The following DMD variants were observed in gnomAD, a reference collection of about 807,000 sequenced individuals.
The protein encoded by DMD is dystrophin, also known as mutant dystrophin.
A neutral mutation model predicts 330.1 loss-of-function variants in DMD; 63 were observed. The observed-to-expected ratio is 0.19, with a 90% CI of 0.16 to 0.24. The LOEUF (loss-of-function observed/expected upper bound fraction) is 0.24, where lower values mean the gene tolerates loss of function less well. DMD is among the 10% of genes least tolerant of loss of function. DMD has a pLI of 1.00. For synonymous variants in DMD, 1,223 were observed against 959.8 expected (o/e 1.27, Z -5.07); for missense variants, 3,344 against 2,684.1 (o/e 1.25, Z -5.43).
intron 16 of DMD, among the ~76,000 whole-genome samples, chrX:32,562,551 T>C (rs745566322): frequency 7.1e-5 from 8 of 112,873 alleles, no homozygotes; most frequent in Non-Finnish European, 1.1e-4. Context: ...TTCTTTATAC[T>C]AATTATTTAA....
At chrX:31,749,605 C>T (rs1435595012) in intron 51 of DMD, among the ~76,000 whole-genome samples, 1 of 110,437 alleles carries the variant, frequency 9.1e-6, no homozygotes, top group African/African-American at 3.3e-5. Context: ...AATAAACATA[C>T]ATGTGCATGT....
At chrX:32,195,731 C>G (rs1408360277) in intron 44 of DMD, among the ~76,000 whole-genome samples, 1 of 111,736 alleles carries the variant, frequency 8.9e-6, no homozygotes, top group Non-Finnish European at 1.9e-5. Context: ...GCAGAAACAG[C>G]TGAAAAGAAG....
intron 2 of DMD, among the ~76,000 whole-genome samples, chrX:32,889,736 C>A (rs906862596): frequency 2.7e-5 from 3 of 110,934 alleles, no homozygotes; most frequent in Non-Finnish European, 5.7e-5. Context: ...CTAACTCCAC[C>A]GCCTATCCCA....
intron 2 of DMD, among the ~76,000 whole-genome samples, chrX:32,890,779 G>C (rs920857539): frequency 1.3e-4 from 14 of 111,735 alleles, no homozygotes; most frequent in Non-Finnish European, 2.4e-4. Context: ...AATGGGACTA[G>C]CATAACTGAG....
At chrX:32,626,418 G>A (rs1186242477) in intron 11 of DMD, among the ~76,000 whole-genome samples, 1 of 101,054 alleles carries the variant, frequency 9.9e-6, no homozygotes, top group East Asian at 2.8e-4. Context: ...GCAGTGAGCT[G>A]AGATCACACC....
At chrX:32,206,553 A>C (rs2097070141) in intron 44 of DMD, 1 of 641,100 alleles carries the variant, frequency 1.6e-6, no homozygotes, top group Admixed American at 2.3e-5. Context: ...AACAAGGAAA[A>C]ACTCCTAAAA....
chrX:32,396,395 G>T (rs1326420774), intron 30 of DMD, among the ~76,000 whole-genome samples: 1 of 111,171 alleles, frequency 9.0e-6, no homozygotes, highest in Non-Finnish European at 1.9e-5. Flanking sequence ...CATTTCTAGT[G>T]AAATTCGCAT....
rs1339673462 is a variant in DMD at position 31,542,516 on chromosome X, G to A, written c.8218-35063C>T. ...CTACTGTCAACCTTATAAAGTTATCGTAAGAAATGCATGAGTTAATATACT... is the reference window on the plus strand; with the variant it reads ...CTACTGTCAACCTTATAAAGTTATCATAAGAAATGCATGAGTTAATATACT... On this transcript the variant is annotated intron_variant, in intron 55 of 78. Coordinates refer to ENST00000357033, the MANE Select transcript of DMD (RefSeq NM_004006.3). Among the ~76,000 whole-genome samples, 6 of 111,941 alleles carry A rather than the reference G, an allele frequency of 5.4e-5. No homozygotes were observed. The East Asian group carries it at 1.4e-3, about 26-fold the overall frequency.
intron 17 of DMD, among the ~76,000 whole-genome samples, chrX:32,541,811 G>A (rs1454204126): frequency 5.5e-5 from 3 of 54,097 alleles, no homozygotes; most frequent in African/African-American, 2.8e-4. Flanking sequence ...ACTAAAAGTT[G>A]GGAAAAAAAA....
intron 7 of DMD, among the ~76,000 whole-genome samples, chrX:32,704,002 G>C (rs750860392): frequency 5.4e-5 from 6 of 111,530 alleles, no homozygotes; most frequent in African/African-American, 2.0e-4. Flanking sequence ...CTTTGAAGCC[G>C]TCTCAGAATG....
intron 11 of DMD, among the ~76,000 whole-genome samples, chrX:32,632,728 G>C (rs778820459): frequency 4.5e-4 from 47 of 105,439 alleles, no homozygotes; most frequent in African/African-American, 1.6e-3. Flanking sequence ...CAGGACGCTG[G>C]GTGCGGGGGG....
At chrX:32,391,981 G>A (rs1362799257) in intron 30 of DMD, among the ~76,000 whole-genome samples, 1 of 112,012 alleles carries the variant, frequency 8.9e-6, no homozygotes, top group Non-Finnish European at 1.9e-5. Context: ...TGTTATGGGT[G>A]ATCAGAATAC....
At chrX:31,924,345 C>T (rs16989968) in intron 47 of DMD, among the ~76,000 whole-genome samples, 39,587 of 110,839 alleles carry the variant, frequency 0.36, 5,414 homozygotes, top group African/African-American at 0.5. Context: ...TTTATACTGA[C>T]GACTAATAAT....
chrX:32,226,215 A>G lies in DMD; in HGVS notation c.6291-9152T>C, dbSNP rs2097147335. ...AACCTCACTTCCTACTTTGGTCCCT[A>G]TACAAACATTCACATAGCCCACCAT... On this transcript the variant is annotated intron_variant, in intron 43 of 78. Coordinates refer to ENST00000357033, the MANE Select transcript of DMD (RefSeq NM_004006.3). Among the ~76,000 whole-genome samples the G allele has an allele frequency of 2.7e-5, 3 of 111,897 alleles. No homozygotes were observed. In the South Asian group the frequency reaches 1.1e-3, roughly 42 times the overall value.
intron 15 of DMD, among the ~76,000 whole-genome samples, chrX:32,571,648 A>C (rs1015011258): frequency 1.8e-5 from 2 of 112,193 alleles, no homozygotes; most frequent in Admixed American, 9.5e-5. Flanking sequence ...GATTAATGGA[A>C]AGGATTTTTA....
chrX:31,471,801 C>T (rs892847663), intron 59 of DMD, among the ~76,000 whole-genome samples: 9 of 112,009 alleles, frequency 8.0e-5, no homozygotes, highest in African/African-American at 2.9e-4. Flanking sequence ...TCTCTTATCA[C>T]CAGTACATAA....
chrX:32,600,079 A>G (rs2056019460), intron 12 of DMD, among the ~76,000 whole-genome samples: 1 of 111,737 alleles, frequency 8.9e-6, no homozygotes. Flanking sequence ...ACATGTTCCC[A>G]ATTTTATTAT....
At chrX:31,298,136 A>G (rs780421510) in intron 62 of DMD, among the ~76,000 whole-genome samples, 122 of 111,858 alleles carry the variant, frequency 1.1e-3, no homozygotes, top group African/African-American at 3.8e-3. Context: ...GCTATGATTC[A>G]TCTTGAAAAG....
chrX:33,126,068 G>A (rs1170449616), intron 1 of DMD, among the ~76,000 whole-genome samples: 2 of 109,283 alleles, frequency 1.8e-5, no homozygotes, highest in Admixed American at 9.9e-5. Context: ...GAGGTTTTAC[G>A]TATTTGAGAC....
Sources: gnomAD v4.1 joint callset for allele counts (sites outside exome capture counted in the v4.1 genomes callset) on GRCh38, gnomAD v4.1.1 for gene constraint, MANE v1.5 for transcripts, NCBI Gene and HGNC (gene_info 2026-07-23, HGNC 2026-07-21) for gene names.